The following CHCHD3 variants were observed in gnomAD, a reference collection of about 807,000 sequenced individuals.
The protein encoded by CHCHD3 is coiled-coil-helix-coiled-coil-helix domain containing 3.
In CHCHD3, 20 loss-of-function variants were observed where a neutral mutation model predicts 38.2. That is an observed-to-expected ratio of 0.52 (90% CI 0.37 to 0.76). The LOEUF (loss-of-function observed/expected upper bound fraction) is 0.76. Among genes scored for constraint, CHCHD3 ranks in the 30% least tolerant of loss-of-function variants. The pLI is 0.00. For synonymous variants in CHCHD3, 82 were observed against 100.0 expected (o/e 0.82, Z 1.07); for missense variants, 245 against 279.2 (o/e 0.88, Z 0.87).
chr7:132,854,956 G>A (rs1438788884), intron 5 of CHCHD3, among the ~76,000 whole-genome samples: 1 of 152,092 alleles, frequency 6.6e-6, no homozygotes, highest in Non-Finnish European at 1.5e-5. Context: ...AGCAAATATT[G>A]TTAGGAATCA....
intron 5 of CHCHD3, among the ~76,000 whole-genome samples, chr7:132,847,743 C>G (rs946214970): frequency 2.6e-5 from 4 of 152,174 alleles, no homozygotes; most frequent in African/African-American, 9.6e-5. Flanking sequence ...CATACACACA[C>G]AGTATTCGTG....
intron 4 of CHCHD3, chr7:132,972,788 T>A: frequency 2.0e-6 from 2 of 985,432 alleles, no homozygotes; most frequent in Non-Finnish European, 2.4e-6. Flanking sequence ...GATGCTGAAA[T>A]ACAGGAGTTG....
chr7:133,071,261 TC>T (rs1235032638), intron 1 of CHCHD3, among the ~76,000 whole-genome samples: 3 of 152,160 alleles, frequency 2.0e-5, no homozygotes, highest in South Asian at 2.1e-4. Context: ...ATCGCTATAC[TC>T]CCAGAGCCTC....
intron 6 of CHCHD3, among the ~76,000 whole-genome samples, chr7:132,811,674 C>T (rs965570343): frequency 3.9e-5 from 6 of 152,300 alleles, no homozygotes; most frequent in East Asian, 1.9e-4. Context: ...TTATAGGACC[C>T]GATCAGCACA....
intron 7 of CHCHD3, among the ~76,000 whole-genome samples, chr7:132,793,663 G>A (rs942934745): frequency 3.9e-5 from 6 of 152,168 alleles, no homozygotes; most frequent in African/African-American, 7.2e-5. Flanking sequence ...CAGGGAACCC[G>A]TGAAAGGCCA....
intron 4 of CHCHD3, among the ~76,000 whole-genome samples, chr7:132,931,573 A>T (rs756659647): frequency 2.0e-5 from 3 of 152,216 alleles, no homozygotes; most frequent in African/African-American, 7.2e-5. Context: ...AGTACTTTTT[A>T]GCCTTCCGTA....
At chr7:132,991,528 C>A (rs1369213501) in intron 3 of CHCHD3, among the ~76,000 whole-genome samples, 1 of 152,058 alleles carries the variant, frequency 6.6e-6, no homozygotes, top group Non-Finnish European at 1.5e-5. Context: ...CCCTTTTCCT[C>A]ATTTTCCTGG....
chr7:132,916,196 C>T (rs1810101182), intron 4 of CHCHD3, among the ~76,000 whole-genome samples: 1 of 152,144 alleles, frequency 6.6e-6, no homozygotes, highest in South Asian at 2.1e-4. Context: ...AATTTTAAAT[C>T]CATTATGTGT....
intron 4 of CHCHD3, among the ~76,000 whole-genome samples, chr7:132,970,761 T>G (rs1434680880): frequency 6.6e-6 from 1 of 151,770 alleles, no homozygotes; most frequent in Non-Finnish European, 1.5e-5. Flanking sequence ...TTTTAACATT[T>G]AGATTTAAAA....
At chr7:133,072,763 C>T (rs928627805) in intron 1 of CHCHD3, among the ~76,000 whole-genome samples, 16 of 147,822 alleles carry the variant, frequency 1.1e-4, no homozygotes, top group Admixed American at 2.1e-4. Flanking sequence ...GGCGTGAACC[C>T]GGGAGGCAGA....
chr7:132,916,490 T>C (rs1810109551), intron 4 of CHCHD3, among the ~76,000 whole-genome samples: 2 of 151,936 alleles, frequency 1.3e-5, no homozygotes, highest in Admixed American at 6.5e-5. Flanking sequence ...CAATAAGATA[T>C]TGAGTGAGAG....
At chr7:132,947,807 AT>A (rs1810934610) in intron 4 of CHCHD3, among the ~76,000 whole-genome samples, 1 of 152,064 alleles carries the variant, frequency 6.6e-6, no homozygotes, top group Non-Finnish European at 1.5e-5. Context: ...TTAAAAAAAA[AT>A]CTATCAGGTA....
At chr7:132,966,965 T>C (rs974134554) in intron 4 of CHCHD3, among the ~76,000 whole-genome samples, 1 of 152,200 alleles carries the variant, frequency 6.6e-6, no homozygotes, top group African/African-American at 2.4e-5. Flanking sequence ...GAATGCCACG[T>C]CATCATAAAG....
intron 2 of CHCHD3, among the ~76,000 whole-genome samples, chr7:133,046,421 C>T (rs193017556): frequency 4.0e-4 from 61 of 152,312 alleles, no homozygotes; most frequent in African/African-American, 1.4e-3. Context: ...TCCAAATATT[C>T]ATGCTCATCA....
At chr7:132,847,004 G>A (rs1808090699) in intron 5 of CHCHD3, among the ~76,000 whole-genome samples, 1 of 152,128 alleles carries the variant, frequency 6.6e-6, no homozygotes, top group Non-Finnish European at 1.5e-5. Context: ...GAAACTCAGG[G>A]CTGATATAAC....
At chr7:132,921,491 C>T (rs1229298219) in intron 4 of CHCHD3, among the ~76,000 whole-genome samples, 1 of 152,078 alleles carries the variant, frequency 6.6e-6, no homozygotes, top group Admixed American at 6.5e-5. Flanking sequence ...ATATTAGGCT[C>T]ATCCTAAAAG....
intron 4 of CHCHD3, among the ~76,000 whole-genome samples, chr7:132,898,306 A>G (rs1277507092): frequency 6.6e-6 from 1 of 152,114 alleles, no homozygotes; most frequent in Non-Finnish European, 1.5e-5. Context: ...TGATTGGTAG[A>G]GCCGAGTGGT....
intron 2 of CHCHD3, among the ~76,000 whole-genome samples, chr7:133,052,276 T>C (rs1814191767): frequency 6.6e-6 from 1 of 152,140 alleles, no homozygotes; most frequent in Admixed American, 6.5e-5. Context: ...CGACACAGCA[T>C]CAAAGTATTT....
chr7:133,048,275 G>A (rs1346169691), intron 2 of CHCHD3, among the ~76,000 whole-genome samples: 1 of 152,064 alleles, frequency 6.6e-6, no homozygotes, highest in Non-Finnish European at 1.5e-5. Flanking sequence ...TCTGACACTG[G>A]GCTGGGAAAA....
Sources: gnomAD v4.1 joint callset for allele counts (sites outside exome capture counted in the v4.1 genomes callset) on GRCh38, gnomAD v4.1.1 for gene constraint, MANE v1.5 for transcripts, NCBI Gene and HGNC (gene_info 2026-07-23, HGNC 2026-07-21) for gene names.